The following LIMA1 variants were observed in gnomAD, a reference collection of about 807,000 sequenced individuals.
The protein encoded by LIMA1 is LIM domain and actin binding 1.
A neutral mutation model predicts 62.6 loss-of-function variants in LIMA1; 52 were observed. That is an observed-to-expected ratio of 0.83 (90% CI 0.67 to 1.05). LIMA1 has a LOEUF of 1.05. Ranked by LOEUF, LIMA1 falls within the 50% of genes least tolerant of loss-of-function variation. The pLI is 0.00. For missense variants in LIMA1, 780 were observed against 902.2 expected (o/e 0.86, Z 1.74); for synonymous variants, 302 against 317.8 (o/e 0.95, Z 0.53).
intron 1 of LIMA1, among the ~76,000 whole-genome samples, chr12:50,280,597 G>C (rs537372737): frequency 1.3e-5 from 2 of 152,306 alleles, no homozygotes; most frequent in South Asian, 4.1e-4. Flanking sequence ...CTGACATGCT[G>C]AATAATGGAT....
intron 3 of LIMA1, among the ~76,000 whole-genome samples, chr12:50,226,782 T>G (rs1941535104): frequency 1.3e-5 from 2 of 148,274 alleles, no homozygotes; most frequent in Non-Finnish European, 1.5e-5. Context: ...GAGGTTGCAG[T>G]GAGCTGCGAT....
chr12:50,185,107 G>C (rs949024400), intron 9 of LIMA1, among the ~76,000 whole-genome samples: 1 of 152,220 alleles, frequency 6.6e-6, no homozygotes, highest in African/African-American at 2.4e-5. Flanking sequence ...TGGGATTACA[G>C]GTGTGAGCCA....
At position 50,276,869 on chromosome 12, in the gene LIMA1, C is replaced by CA. The variant is rs879357407; in HGVS notation, c.-24+6550dup. Among the ~76,000 whole-genome samples, 587 of 128,804 alleles carry CA rather than the reference C, an allele frequency of 4.6e-3. 3 individuals are homozygous for CA. Among genetic ancestry groups the CA allele is most frequent in the African/African-American group, 0.012 (422 of 34,756 alleles). 84.5% of individuals were successfully genotyped at this position (128,804 alleles called of 152,430 possible). A position where few individuals can be genotyped will look rare whatever the true frequency, so the allele number is the denominator to read the frequency against. On this transcript the variant is annotated intron_variant, in intron 1 of 10. Coordinates refer to ENST00000341247, the MANE Select transcript of LIMA1 (RefSeq NM_016357.5). ...TGGGTGACTGAGTGACACACTGTCT[C>CA]AAAAAAAAAAAAATCTATAGATAAG...
intron 9 of LIMA1, chr12:50,185,627 C>T (rs1940613723): frequency 2.6e-6 from 1 of 383,622 alleles, no homozygotes; most frequent in Non-Finnish European, 5.2e-6. Flanking sequence ...CTCGTATCTA[C>T]CTGAGGCTGG....
intron 9 of LIMA1, chr12:50,188,530 T>G (rs895557432): frequency 1.3e-5 from 2 of 152,236 alleles, no homozygotes; most frequent in African/African-American, 4.8e-5. Context: ...CTCTGGTCAT[T>G]ACACAATGCT....
chr12:50,278,529 A>G lies in LIMA1; in HGVS notation c.-24+4891T>C, dbSNP rs376864446. ...AATTAGTCTAATCTTTACAAAAAGC[A>G]ATTTGGGAGCAGGTTTAGTATTTTT... On this transcript the variant is annotated intron_variant, in intron 1 of 10. Coordinates refer to ENST00000341247, the MANE Select transcript of LIMA1 (RefSeq NM_016357.5). Among the ~76,000 whole-genome samples the G allele has an allele frequency of 4.7e-4, 71 of 152,296 alleles. No individual in the cohort carries two copies. In the South Asian group the frequency reaches 0.014, roughly 31 times the overall value.
intron 4 of LIMA1, among the ~76,000 whole-genome samples, chr12:50,213,868 A>C (rs1241930947): frequency 1.3e-5 from 2 of 152,240 alleles, no homozygotes; most frequent in African/African-American, 4.8e-5. Flanking sequence ...AACTGGTTAA[A>C]AACCAGTACA....
intron 1 of LIMA1, among the ~76,000 whole-genome samples, chr12:50,267,131 G>A (rs1472105557): frequency 6.6e-6 from 1 of 151,952 alleles, no homozygotes; most frequent in Admixed American, 6.6e-5. Flanking sequence ...GTGCAGTTGC[G>A]CAATCTCGGC....
At chr12:50,197,476 A>G (rs1005676778) in intron 7 of LIMA1, among the ~76,000 whole-genome samples, 4 of 152,138 alleles carry the variant, frequency 2.6e-5, no homozygotes, top group Non-Finnish European at 5.9e-5. Context: ...TCTGAAAAAC[A>G]TTGCGAATTT....
intron 2 of LIMA1, among the ~76,000 whole-genome samples, chr12:50,233,829 T>G (rs1941648464): frequency 6.6e-6 from 1 of 152,166 alleles, no homozygotes; most frequent in African/African-American, 2.4e-5. Context: ...ACAGCTATTA[T>G]TATATGTTTT....
At chr12:50,245,945 G>A (rs1321989512) in intron 2 of LIMA1, among the ~76,000 whole-genome samples, 1 of 151,984 alleles carries the variant, frequency 6.6e-6, no homozygotes, top group Non-Finnish European at 1.5e-5. Context: ...GAAGGAGCAG[G>A]CAGCCAGGCC....
At chr12:50,214,624 C>T (rs563896100) in intron 4 of LIMA1, among the ~76,000 whole-genome samples, 9 of 152,308 alleles carry the variant, frequency 5.9e-5, no homozygotes, top group South Asian at 4.1e-4. Context: ...CTGACCCACA[C>T]GGTGAAACCC....
chr12:50,194,883 A>G (rs2051394312), intron 8 of LIMA1, among the ~76,000 whole-genome samples: 2 of 152,076 alleles, frequency 1.3e-5, no homozygotes, highest in Admixed American at 6.6e-5. Context: ...CCCTGTCTCT[A>G]CTAAAATACA....
intron 8 of LIMA1, among the ~76,000 whole-genome samples, chr12:50,193,520 A>AG (rs1940832840): frequency 7.3e-6 from 1 of 136,664 alleles, no homozygotes; most frequent in African/African-American, 2.8e-5. Flanking sequence ...TATATGATAT[A>AG]TATACACATA....
At chr12:50,185,613 C>T (rs1396762298) in intron 9 of LIMA1, 1 of 396,816 alleles carries the variant, frequency 2.5e-6, no homozygotes, top group Non-Finnish European at 5.0e-6. Flanking sequence ...CAAAATCAGC[C>T]TCACTCGTAT....
At chr12:50,260,930 CA>C (rs34256869) in intron 1 of LIMA1, among the ~76,000 whole-genome samples, 26,559 of 76,628 alleles carry the variant, frequency 0.35, 1,855 homozygotes, top group South Asian at 0.47. Context: ...TAACTTGCCC[CA>C]AAAAAAAAAA....
chr12:50,187,864 T>C (rs7301566), intron 9 of LIMA1: 104,111 of 152,070 alleles, frequency 0.68, 37,337 homozygotes, highest in East Asian at 0.92. Flanking sequence ...GCCTCTTCCT[T>C]CCCTATCCTC....
At chr12:50,194,294 C>CATAT (rs200096514) in intron 8 of LIMA1, among the ~76,000 whole-genome samples, 1 of 143,560 alleles carries the variant, frequency 7.0e-6, no homozygotes, top group African/African-American at 2.6e-5. Flanking sequence ...TGGCCAGCAA[C>CATAT]ATATATATAT....
At chr12:50,209,801 G>T (rs548103966) in intron 4 of LIMA1, among the ~76,000 whole-genome samples, 1 of 151,910 alleles carries the variant, frequency 6.6e-6, no homozygotes, top group Admixed American at 6.6e-5. Context: ...GAGTAGCTGG[G>T]ATTACAGGCG....
Sources: gnomAD v4.1 joint callset for allele counts (sites outside exome capture counted in the v4.1 genomes callset) on GRCh38, gnomAD v4.1.1 for gene constraint, MANE v1.5 for transcripts, NCBI Gene and HGNC (gene_info 2026-07-23, HGNC 2026-07-21) for gene names.